SPAG16: variants seen among roughly 807,000 people sequenced by gnomAD.
The protein encoded by SPAG16 is sperm-associated antigen 16 protein.
A neutral mutation model predicts 80.4 loss-of-function variants in SPAG16; 86 were observed. The observed-to-expected ratio is 1.07, with a 90% confidence interval of 0.90 to 1.28. The LOEUF (loss-of-function observed/expected upper bound fraction) is 1.28. SPAG16 is among the 50% of genes most tolerant of loss of function. The pLI is 0.00. For synonymous variants in SPAG16, 294 were observed against 265.9 expected (o/e 1.11, Z -1.03); for missense variants, 870 against 765.3 (o/e 1.14, Z -1.61).
intron 9 of SPAG16, among the ~76,000 whole-genome samples, chr2:213,393,642 A>T (rs1441731216): frequency 1.3e-5 from 2 of 152,088 alleles, no homozygotes; most frequent in Non-Finnish European, 2.9e-5. Flanking sequence ...GTAGGACACA[A>T]ACCTAGGGGT....
intron 15 of SPAG16, among the ~76,000 whole-genome samples, chr2:214,168,351 G>C (rs1020133558): frequency 6.6e-6 from 1 of 152,010 alleles, no homozygotes; most frequent in African/African-American, 2.4e-5. Context: ...TAACAAAATA[G>C]TGCATGTTGT....
intron 9 of SPAG16, among the ~76,000 whole-genome samples, chr2:213,484,380 C>A (rs2073887735): frequency 6.6e-6 from 1 of 152,158 alleles, no homozygotes; most frequent in Non-Finnish European, 1.5e-5. Flanking sequence ...TTCGTATTTT[C>A]ATACTTAGAT....
At chr2:213,751,873 T>A (rs2068092053) in intron 10 of SPAG16, among the ~76,000 whole-genome samples, 1 of 151,328 alleles carries the variant, frequency 6.6e-6, no homozygotes, top group Admixed American at 6.6e-5. Context: ...CAGGCCCAGT[T>A]TTTTTACTTT....
chr2:213,988,986 T>A (rs139702415), intron 12 of SPAG16, among the ~76,000 whole-genome samples: 2 of 152,132 alleles, frequency 1.3e-5, no homozygotes, highest in Non-Finnish European at 2.9e-5. Flanking sequence ...GCTATGGAAG[T>A]AGGCAGTGCA....
chr2:214,114,210 G>A (rs1467868666), intron 14 of SPAG16, among the ~76,000 whole-genome samples: 2 of 152,138 alleles, frequency 1.3e-5, no homozygotes, highest in Non-Finnish European at 2.9e-5. Context: ...CTTTGTCCTA[G>A]AGGGGCACCC....
At chr2:214,303,278 G>A (rs1047526263) in intron 15 of SPAG16, among the ~76,000 whole-genome samples, 8 of 152,288 alleles carry the variant, frequency 5.3e-5, no homozygotes, top group Middle Eastern at 3.4e-3. Flanking sequence ...TTGTATCCAT[G>A]TTTAGGACTC....
intron 15 of SPAG16, among the ~76,000 whole-genome samples, chr2:214,334,507 C>A (rs1697145107): frequency 6.6e-6 from 1 of 152,172 alleles, no homozygotes; most frequent in African/African-American, 2.4e-5. Context: ...AGAATTCCAT[C>A]TTCTCTGCAA....
intron 10 of SPAG16, among the ~76,000 whole-genome samples, chr2:213,858,855 C>T (rs2075288163): frequency 2.0e-5 from 3 of 151,982 alleles, no homozygotes; most frequent in Admixed American, 6.6e-5. Context: ...TATTGTTCTA[C>T]ATTTATTTTT....
chr2:213,851,436 A>G (rs558792474), intron 10 of SPAG16, among the ~76,000 whole-genome samples: 4 of 152,322 alleles, frequency 2.6e-5, no homozygotes, highest in Admixed American at 2.6e-4. Flanking sequence ...TTAACCCAGT[A>G]GGCGGAGGTT....
chr2:213,830,337 G>T (rs183216785), intron 10 of SPAG16, among the ~76,000 whole-genome samples: 1 of 152,254 alleles, frequency 6.6e-6, no homozygotes, highest in African/African-American at 2.4e-5. Flanking sequence ...TTCTCTATCT[G>T]GGTCACTCAT....
intron 9 of SPAG16, among the ~76,000 whole-genome samples, chr2:213,435,486 C>T (rs2070571015): frequency 1.3e-5 from 2 of 152,114 alleles, no homozygotes; most frequent in Admixed American, 1.3e-4. Flanking sequence ...TTCACCTTTA[C>T]ATGATATATC....
intron 10 of SPAG16, among the ~76,000 whole-genome samples, chr2:213,599,674 A>G (rs1185505709): frequency 1.3e-5 from 2 of 152,086 alleles, no homozygotes; most frequent in Non-Finnish European, 2.9e-5. Flanking sequence ...CAAGAAGGCT[A>G]TTAGTAGTTT....
chr2:213,510,628 C>T (rs1166018700), intron 10 of SPAG16, among the ~76,000 whole-genome samples: 7 of 152,066 alleles, frequency 4.6e-5, no homozygotes, highest in East Asian at 3.9e-4. Flanking sequence ...TGGGTTTTCG[C>T]GTTACACTGC....
intron 10 of SPAG16, among the ~76,000 whole-genome samples, chr2:213,512,811 G>A (rs1053540019): frequency 2.6e-5 from 4 of 152,112 alleles, no homozygotes. Context: ...GGAACTGGAA[G>A]TTTTGAATCC....
intron 10 of SPAG16, among the ~76,000 whole-genome samples, chr2:213,662,439 T>G (rs2063461269): frequency 6.6e-6 from 1 of 152,174 alleles, no homozygotes; most frequent in South Asian, 2.1e-4. Flanking sequence ...AGTGGTTGCC[T>G]TAGGCCACGC....
chr2:213,715,222 G>GTCAA (rs1553615159), intron 10 of SPAG16, among the ~76,000 whole-genome samples: 2 of 110,576 alleles, frequency 1.8e-5, no homozygotes, highest in South Asian at 5.9e-4. Flanking sequence ...AGATCTATCT[G>GTCAA]TCTATCTATC....
chr2:213,717,053 A>G (rs2066266279), intron 10 of SPAG16, among the ~76,000 whole-genome samples: 1 of 152,090 alleles, frequency 6.6e-6, no homozygotes, highest in Admixed American at 6.6e-5. Context: ...AAATAAAAAG[A>G]TAATTAATTG....
At chr2:213,603,676 A>T (rs2061149332) in intron 10 of SPAG16, among the ~76,000 whole-genome samples, 1 of 152,212 alleles carries the variant, frequency 6.6e-6, no homozygotes, top group South Asian at 2.1e-4. Context: ...TAAACTATTT[A>T]AAAGACTAAA....
rs539752464 is a variant in SPAG16 at position 213,769,901 on chromosome 2, C to G, written c.1071-92584C>G. On this transcript the variant is annotated intron_variant, in intron 10 of 15. Transcript: ENST00000331683. ...ATTGCTATCAACTCACAAAGTGTGCCCAATAAGCCACTGCACCCTGAAGCA... is the reference window on the plus strand; with the variant it reads ...ATTGCTATCAACTCACAAAGTGTGCGCAATAAGCCACTGCACCCTGAAGCA... Among the ~76,000 whole-genome samples, 147 of 152,216 alleles carry G rather than the reference C, an allele frequency of 9.7e-4. 1 individual carries two copies. The highest frequency in any genetic ancestry group is 3.4e-3 in the African/African-American group (140 of 41,538).
Sources: gnomAD v4.1 joint callset for allele counts (sites outside exome capture counted in the v4.1 genomes callset) on GRCh38, gnomAD v4.1.1 for gene constraint, MANE v1.5 for transcripts, NCBI Gene and HGNC (gene_info 2026-07-23, HGNC 2026-07-21) for gene names.